LGI1: variants seen among roughly 807,000 people sequenced by gnomAD.
The protein encoded by LGI1 is leucine rich glioma inactivated 1.
Under a neutral mutation model 57.7 loss-of-function variants are expected in LGI1, and 11 were observed. The ratio of observed to expected loss-of-function variants is 0.19; its 90% CI spans 0.12 to 0.32. LGI1 has a LOEUF of 0.32. Ranked by LOEUF, LGI1 falls within the 10% of genes least tolerant of loss-of-function variation. LGI1 has a pLI of 1.00. For synonymous variants in LGI1, 222 were observed against 241.9 expected, an observed-to-expected ratio of 0.92 and a Z score of 0.76; for missense variants, 422 against 661.9, an observed-to-expected ratio of 0.64 and a Z score of 3.98.
chr10:93,795,094 T>A (rs1199416523), intron 7 of LGI1, among the ~76,000 whole-genome samples: 1 of 152,202 alleles, frequency 6.6e-6, no homozygotes, highest in East Asian at 1.9e-4. Context: ...CAGGCTTTTC[T>A]TACTTGTGTA....
At chr10:93,794,362 C>CTTTTTTTTTTTTTTTTT (rs71031540) in intron 7 of LGI1, among the ~76,000 whole-genome samples, 1 of 101,198 alleles carries the variant, frequency 9.9e-6, no homozygotes, top group Non-Finnish European at 1.8e-5. Flanking sequence ...CTGGATCTCT[C>CTTTTTTTTTTTTTTTTT]TTTTTTTTTT....
intron 2 of LGI1, chr10:93,768,993 T>G (rs1351887348): frequency 2.0e-5 from 3 of 152,250 alleles, no homozygotes; most frequent in African/African-American, 7.2e-5. Flanking sequence ...AATAATGTAC[T>G]TGTGTGTGAT....
intron 2 of LGI1, among the ~76,000 whole-genome samples, chr10:93,775,087 T>C (rs377540177): frequency 3.3e-5 from 5 of 152,174 alleles, no homozygotes; most frequent in African/African-American, 9.7e-5. Flanking sequence ...TAAATTGAAG[T>C]ATAATATACA....
At chr10:93,772,444 T>C (rs1218778114) in intron 2 of LGI1, among the ~76,000 whole-genome samples, 3 of 152,142 alleles carry the variant, frequency 2.0e-5, no homozygotes, top group African/African-American at 7.2e-5. Context: ...ATCATGTTTA[T>C]AATAGTAAAC....
intron 4 of LGI1, among the ~76,000 whole-genome samples, chr10:93,783,648 C>T (rs2059869510): frequency 6.6e-6 from 1 of 152,174 alleles, no homozygotes; most frequent in Non-Finnish European, 1.5e-5. Context: ...ATCCTCTGCT[C>T]TTTTCTTTGC....
chr10:93,784,518 T>C (rs2059880012), intron 4 of LGI1, among the ~76,000 whole-genome samples: 1 of 152,196 alleles, frequency 6.6e-6, no homozygotes, highest in Non-Finnish European at 1.5e-5. Flanking sequence ...CTGTACTCTG[T>C]GGCTGAGTTC....
At chr10:93,781,758 C>T (rs573735529) in intron 4 of LGI1, among the ~76,000 whole-genome samples, 1 of 152,250 alleles carries the variant, frequency 6.6e-6, no homozygotes, top group African/African-American at 2.4e-5. Flanking sequence ...TATGTATTGG[C>T]TTCTAGTAAT....
In LGI1 at chr10:93,758,031, G is replaced by C; in HGVS notation, c.-114G>C. The stretch of plus-strand genomic sequence containing the variant: ...CAGGTCTCTGTTTTGAAAAAGCAGA[G>C]ATACAGAGGCAGAGGAAAAGGGTGG... On this transcript the variant is annotated 5_prime_UTR_variant, in exon 1 of 8. Coordinates refer to ENST00000371418, the MANE Select transcript of LGI1 (RefSeq NM_005097.4). The surrounding 1 kb of genome is among the most constrained non-coding windows in gnomAD (Gnocchi z 4.7). 1.1e-6 allele frequency: 1 copy of C among 906,060 alleles called. No individual in the cohort carries two copies. The highest frequency in any genetic ancestry group is 1.4e-5 in the South Asian group (1 of 71,194). 56.1% of individuals were successfully genotyped at this position (906,060 alleles called of 1,614,324 possible).
At chr10:93,794,416 T>C (rs1452717024) in intron 7 of LGI1, 4 of 137,756 alleles carry the variant, frequency 2.9e-5, no homozygotes, top group Non-Finnish European at 6.1e-5. Context: ...CAGGCTGGAG[T>C]GCAGTGGCGT....
intron 4 of LGI1, among the ~76,000 whole-genome samples, chr10:93,778,351 A>T (rs954056584): frequency 5.3e-4 from 2 of 3,752 alleles, no homozygotes; most frequent in African/African-American, 1.1e-3. Flanking sequence ...ACATTCACAC[A>T]CACACACACA....
At chr10:93,785,324 TAC>T (rs1450442158) in intron 4 of LGI1, among the ~76,000 whole-genome samples, 3 of 152,242 alleles carry the variant, frequency 2.0e-5, no homozygotes, top group Non-Finnish European at 4.4e-5. Flanking sequence ...CACCTGCAGA[TAC>T]AGTTTTTCCT....
At chr10:93,793,389 A>G in intron 7 of LGI1, 39 bp downstream of exon 7, 1 of 1,565,872 alleles carries the variant, frequency 6.4e-7, no homozygotes, top group Non-Finnish European at 8.8e-7. Flanking sequence ...GGTAATTTAA[A>G]CTGCTTCAGC....
chr10:93,777,648 G>C, intron 4 of LGI1, 31 bp downstream of exon 4: 1 of 1,540,644 alleles, frequency 6.5e-7, no homozygotes, highest in Non-Finnish European at 9.0e-7. Context: ...TACTTTTTAA[G>C]CTTGCTAATG....
intron 2 of LGI1, 174 bp downstream of exon 2, chr10:93,759,005 G>T (rs908353180): frequency 3.2e-6 from 2 of 620,892 alleles, no homozygotes; most frequent in South Asian, 1.9e-5. Context: ...CAACAGTGCA[G>T]GTTGATTCTT....
intron 4 of LGI1, chr10:93,788,948 A>G (rs2059912290): frequency 6.6e-6 from 1 of 152,114 alleles, no homozygotes. Context: ...AGAAAAGTTT[A>G]TAACGTGTAT....
chr10:93,768,281 C>T (rs759795124), intron 2 of LGI1: 2 of 152,208 alleles, frequency 1.3e-5, no homozygotes, highest in African/African-American at 2.4e-5. Context: ...CATGGCCACT[C>T]ACCAGTCCTG....
At chr10:93,776,182 C>T (rs2059792148) in intron 2 of LGI1, among the ~76,000 whole-genome samples, 1 of 152,226 alleles carries the variant, frequency 6.6e-6, no homozygotes, top group Non-Finnish European at 1.5e-5. Context: ...GACAATCCAA[C>T]ACCACTCTAG....
chr10:93,772,790 C>G (rs2059753134), intron 2 of LGI1: 1 of 151,960 alleles, frequency 6.6e-6, no homozygotes, highest in Non-Finnish European at 1.5e-5. Context: ...AAAGTGTATT[C>G]AAGGCTGGGT....
At chr10:93,763,385 A>G (rs1486887267) in intron 2 of LGI1, 1 of 152,208 alleles carries the variant, frequency 6.6e-6, no homozygotes, top group Non-Finnish European at 1.5e-5. Context: ...GACTTTACTG[A>G]TGTCTGGCAC....
Sources: allele counts gnomAD v4.1 joint callset (sites outside exome capture counted in the v4.1 genomes callset), GRCh38; gene constraint gnomAD v4.1.1; non-coding constraint Gnocchi (gnomAD v3.1); transcripts MANE v1.5; gene names NCBI Gene and HGNC (gene_info 2026-07-23, HGNC 2026-07-21).